The following TIAM2 variants were observed in gnomAD, a reference collection of about 807,000 sequenced individuals.
TIAM2 encodes rho guanine nucleotide exchange factor TIAM2.
TIAM2 carries 80 observed loss-of-function variants against 152.9 expected under a neutral mutation model. That is an observed-to-expected ratio of 0.52 (90% CI 0.44 to 0.63). TIAM2 has a LOEUF of 0.63. Ranked by LOEUF, TIAM2 falls within the 30% of genes least tolerant of loss-of-function variation. The pLI is 0.00. For synonymous variants in TIAM2, 804 were observed against 838.0 expected, an observed-to-expected ratio of 0.96 and a Z score of 0.70; for missense variants, 1,965 against 2,120.1, an observed-to-expected ratio of 0.93 and a Z score of 1.44.
At chr6:155,239,678 C>A (rs1011478314) in intron 15 of TIAM2, among the ~76,000 whole-genome samples, 2 of 152,218 alleles carry the variant, frequency 1.3e-5, no homozygotes, top group African/African-American at 4.8e-5. Context: ...CTTGTCTCTT[C>A]ATCTATGTGA....
rs149476294 is a variant in TIAM2, at chr6:155,061,400, A to G, written c.-208-28889A>G. 2.1e-3 allele frequency among the ~76,000 whole-genome samples: 311 copies of G among 148,640 alleles called. 6 individuals are homozygous for G. The highest frequency in any genetic ancestry group is 7.9e-3 in the African/African-American group (301 of 38,222). ...TTTACCTATATATATATTAAAACCA[A>G]TATGAGCTTCTACTTACATCTGCAA... On this transcript the variant is annotated intron_variant, in intron 1 of 26. Transcript: ENST00000682666.
At chr6:155,104,192 G>A (rs1043309821) in intron 2 of TIAM2, among the ~76,000 whole-genome samples, 15 of 151,990 alleles carry the variant, frequency 9.9e-5, no homozygotes, top group African/African-American at 3.4e-4. Context: ...TTGTGCTGCC[G>A]CCTGTTGCTG....
At chr6:155,080,542 C>T (rs530578004) in intron 1 of TIAM2, among the ~76,000 whole-genome samples, 5 of 151,904 alleles carry the variant, frequency 3.3e-5, no homozygotes, top group East Asian at 1.9e-4. Flanking sequence ...CAGGTTCAAG[C>T]GATTCCCCTG....
intron 1 of TIAM2, among the ~76,000 whole-genome samples, chr6:155,073,827 G>A (rs1306489418): frequency 2.0e-5 from 3 of 152,204 alleles, no homozygotes; most frequent in Admixed American, 6.5e-5. Flanking sequence ...TTCCCATAGG[G>A]CAGAGTGGGA....
chr6:155,134,406 C>A (rs548880959), intron 4 of TIAM2, among the ~76,000 whole-genome samples: 1 of 112,910 alleles, frequency 8.9e-6, no homozygotes, highest in Admixed American at 1.0e-4. Flanking sequence ...CACCCCCCCC[C>A]ATTTCTGAAA....
chr6:155,030,207 A>G (rs542422895), intron 1 of TIAM2, among the ~76,000 whole-genome samples: 2 of 152,224 alleles, frequency 1.3e-5, no homozygotes, highest in African/African-American at 4.8e-5. Flanking sequence ...GAGGAGAGGG[A>G]GGCAAGATAG....
At chr6:155,215,699 C>A (rs1363139080) in intron 15 of TIAM2, among the ~76,000 whole-genome samples, 1 of 141,860 alleles carries the variant, frequency 7.0e-6, no homozygotes, top group Non-Finnish European at 1.5e-5. Flanking sequence ...TTTTTCTGTT[C>A]CGTGGTTTTT....
At chr6:155,245,255 G>C (rs1380373859) in intron 18 of TIAM2, among the ~76,000 whole-genome samples, 1 of 152,196 alleles carries the variant, frequency 6.6e-6, no homozygotes, top group Non-Finnish European at 1.5e-5. Flanking sequence ...CCTCCAAGGG[G>C]ACCTGGAACC....
chr6:155,042,184 C>T (rs1017063177), intron 1 of TIAM2, among the ~76,000 whole-genome samples: 3 of 151,910 alleles, frequency 2.0e-5, no homozygotes, highest in South Asian at 2.1e-4. Flanking sequence ...ATCCTCATTC[C>T]GCTACACCAC....
At position 155,009,727 on chromosome 6, in the gene TIAM2, C is replaced by G. The variant is rs115468032; in HGVS notation, c.-209+14235C>G. Among the ~76,000 whole-genome samples the G allele has an allele frequency of 1.7e-3, 262 of 152,250 alleles. 1 individual carries two copies. The highest frequency in any genetic ancestry group is 6.0e-3 in the African/African-American group (248 of 41,536). On this transcript the variant is annotated intron_variant, in intron 1 of 26. Transcript: ENST00000682666. ...GATGAAATGGAAATTATATTAATTA[C>G]GCAGTTGTAAGGGACAGAAGGCCCC...
chr6:155,176,698 T>C (rs979967400), intron 9 of TIAM2, 118 bp from the exon 10 acceptor site: 3 of 1,036,156 alleles, frequency 2.9e-6, no homozygotes, highest in African/African-American at 1.6e-5. Flanking sequence ...AAGCCAGTGA[T>C]GTGAAGCGTG....
In TIAM2 at chr6:155,130,329, A is replaced by G. The variant is rs1562326240; in HGVS notation, c.1106A>G (p.Asp369Gly). 2 of 1,614,104 alleles carry G rather than the reference A, an allele frequency of 1.2e-6. No individual in the cohort carries two copies. The highest frequency in any genetic ancestry group is 1.7e-6 in the Non-Finnish European group (2 of 1,180,038). Residue 369 changes from aspartate to glycine, a missense_variant, in exon 4 of 27, where the codon GAT (aspartate) becomes GGT (glycine). By Grantham distance (94) the Asp-to-Gly change is moderately conservative. Around this residue, in one of 3 missense-constraint regions of TIAM2, gnomAD observed 1,025 missense variants for 1,119.4 expected, o/e 0.92. Transcript: ENST00000682666. ...CGGAAGCCCAAAGCCTTTGTTGAGG[A>G]TACTGCGAAGAAGGACTCCCTCAAA... ...PCRKPKAFVE[D>G]TAKKDSLKAR... is the part of the protein sequence containing the mutation.
chr6:155,242,389 T>C (rs1462585402), intron 16 of TIAM2, among the ~76,000 whole-genome samples: 2 of 152,262 alleles, frequency 1.3e-5, no homozygotes, highest in Admixed American at 6.5e-5. Context: ...CTTGAAATTT[T>C]TGACATCTAT....
intron 25 of TIAM2, 36 bp from the exon 26 acceptor site, chr6:155,254,382 TG>T: frequency 6.2e-7 from 1 of 1,603,250 alleles, no homozygotes; most frequent in Non-Finnish European, 8.5e-7. Flanking sequence ...ATGAACACTG[TG>T]GACACTTCTG....
intron 10 of TIAM2, among the ~76,000 whole-genome samples, chr6:155,177,563 G>A (rs1780786660): frequency 6.6e-6 from 1 of 152,210 alleles, no homozygotes; most frequent in African/African-American, 2.4e-5. Flanking sequence ...ACCAGGTGGT[G>A]CAGTAGAGCT....
chr6:155,130,913 A>G (rs1159701243), intron 4 of TIAM2, among the ~76,000 whole-genome samples: 1 of 152,042 alleles, frequency 6.6e-6, no homozygotes, highest in African/African-American at 2.4e-5. Flanking sequence ...CTCTAAACCA[A>G]TTACCTCTCA....
intron 1 of TIAM2, chr6:155,014,120 C>A (rs1778534663): frequency 6.6e-6 from 1 of 152,160 alleles, no homozygotes; most frequent in South Asian, 2.1e-4. Context: ...GTACCTTACT[C>A]CAGTAAATCT....
At position 155,027,534 on chromosome 6, in the gene TIAM2, TATATA is replaced by T. The variant is rs1192626897; in HGVS notation, c.-209+32048_-209+32052del. ...TATATATACTGTGTTACATATACTATATATAATATATATACTGTGTTACATATATA... is the reference window on the plus strand; with the variant it reads ...TATATATACTGTGTTACATATACTATATATATATACTGTGTTACATATATA... On this transcript the variant is annotated intron_variant, in intron 1 of 26. Coordinates refer to ENST00000682666, the MANE Select transcript of TIAM2 (RefSeq NM_012454.4). 4.0e-5 allele frequency among the ~76,000 whole-genome samples: 4 copies of T among 100,394 alleles called. 1 individual carries two copies. The highest frequency in any genetic ancestry group is 8.0e-5 in the Non-Finnish European group (4 of 49,758). 65.9% of individuals were successfully genotyped at this position (100,394 alleles called of 152,430 possible). A position where few individuals can be genotyped will look rare whatever the true frequency, so the allele number is the denominator to read the frequency against.
chr6:155,120,208 G>A (rs961255039), intron 2 of TIAM2, among the ~76,000 whole-genome samples: 1 of 152,192 alleles, frequency 6.6e-6, no homozygotes, highest in Non-Finnish European at 1.5e-5. Flanking sequence ...GATCCTGCTC[G>A]GAGGGCATTC....
Sources: gnomAD v4.1 joint callset for allele counts (sites outside exome capture counted in the v4.1 genomes callset) on GRCh38, gnomAD v4.1.1 for gene constraint, gnomAD v4.1.1 regional missense constraint, MANE v1.5 for transcripts, NCBI Gene and HGNC (gene_info 2026-07-23, HGNC 2026-07-21) for gene names.